The following ABCG8 variants were observed in gnomAD, a reference collection of about 807,000 sequenced individuals.
ABCG8 encodes the protein ATP binding cassette subfamily G member 8, also known as ATP-binding cassette sub-family G member 8.
A neutral mutation model predicts 71.3 loss-of-function variants in ABCG8; 81 were observed. The ratio of observed to expected loss-of-function variants is 1.14; its 90% CI spans 0.95 to 1.37. The LOEUF is 1.37. ABCG8 is among the 40% of genes most tolerant of loss of function. The pLI is 0.00. For missense variants in ABCG8, 1,119 were observed against 866.2 expected (o/e 1.29, Z -3.66); for synonymous variants, 451 against 354.7 (o/e 1.27, Z -3.05).
rs1192681894 is a variant in ABCG8, at chr2:43,881,685, G to A, written c.*3772G>A. ...GATTGAGCCACCGCACTCCAGCCTG[G>A]TGACAGAGCGATACTCTGTCTCAAA... On this transcript the variant is annotated 3_prime_UTR_variant, in exon 13 of 13. Transcript: ENST00000272286. 1 of 140,380 alleles carries A rather than the reference G, an allele frequency of 7.1e-6. No individual in the cohort carries two copies. The highest frequency in any genetic ancestry group is 1.5e-5 in the Non-Finnish European group (1 of 66,066). 8.7% of individuals were successfully genotyped at this position (140,380 alleles called of 1,614,324 possible).
chr2:43,881,128 ACCT>A lies in ABCG8; in HGVS notation c.*3216_*3218del, dbSNP rs1670120333. 6.6e-6 allele frequency: 1 copy of A among 152,234 alleles called. No homozygotes were observed. Among genetic ancestry groups the A allele is most frequent in the Non-Finnish European group, 1.5e-5 (1 of 68,066 alleles). The allele number at this position is 152,234 out of a possible 1,614,324, so 9.4% of individuals were successfully genotyped here. A position where few individuals can be genotyped will look rare whatever the true frequency, so the allele number is the denominator to read the frequency against. On this transcript the variant is annotated 3_prime_UTR_variant, in exon 13 of 13. Transcript: ENST00000272286. ...TGATTGACAGCCACTAAGATACATC[ACCT>A]GACTTTGTGAGTTCACCATTCGGTC...
intron 1 of ABCG8, among the ~76,000 whole-genome samples, chr2:43,840,899 G>A (rs1474057852): frequency 6.6e-6 from 1 of 152,176 alleles, no homozygotes; most frequent in Non-Finnish European, 1.5e-5. Flanking sequence ...GTCCTCAGGA[G>A]GTTGGGCCTG....
intron 1 of ABCG8, among the ~76,000 whole-genome samples, chr2:43,841,067 C>T (rs1459008130): frequency 6.6e-6 from 1 of 152,222 alleles, no homozygotes; most frequent in Non-Finnish European, 1.5e-5. Flanking sequence ...ACCCTGGCAG[C>T]AGGCAGAGCT....
chr2:43,865,659 C>CTCTGGATAGAATTCTCACTG (rs1669505294), intron 6 of ABCG8, among the ~76,000 whole-genome samples: 1 of 142,822 alleles, frequency 7.0e-6, no homozygotes, highest in Non-Finnish European at 1.6e-5. Context: ...CTCACTCTCT[C>CTCTGGATAGAATTCTCACTG]TCTGGATAGA....
intron 1 of ABCG8, among the ~76,000 whole-genome samples, chr2:43,841,102 C>T (rs1439903136): frequency 1.3e-5 from 2 of 152,166 alleles, no homozygotes; most frequent in East Asian, 3.8e-4. Flanking sequence ...CTGAATGTTT[C>T]GATAAAATTT....
chr2:43,839,361 G>A lies in ABCG8; in HGVS notation c.63+245G>A, dbSNP rs926568403. ...TTTTAGGGAAATGATGTTCTTTTGT[G>A]TGATGTGGGACAATTTCACTTTTTC... On this transcript the variant is annotated intron_variant, in intron 1 of 12. Transcript: ENST00000272286. 2.2e-5 allele frequency among the ~76,000 whole-genome samples: 3 copies of A among 138,232 alleles called. No individual in the cohort carries two copies. In the South Asian group the frequency reaches 7.1e-4, roughly 33 times the overall value. The allele number at this position is 138,232 out of a possible 152,430, so 90.7% of individuals were successfully genotyped here.
chr2:43,862,714 G>T (rs936035319), intron 6 of ABCG8, among the ~76,000 whole-genome samples: 1 of 151,136 alleles, frequency 6.6e-6, no homozygotes, highest in Non-Finnish European at 1.5e-5. Context: ...TATCTGGATA[G>T]AATTCTCACC....
chr2:43,846,181 G>A lies in ABCG8; in HGVS notation c.192G>A (p.Trp64Ter). ...YQVDLASQVP[W>*]FEQLAQFKMP... ...TGGACCTGGCCTCTCAGGTCCCTTGGTTTGAGCAGCTGGCTCAGTTCAAGA... is the reference window on the plus strand; with the variant it reads ...TGGACCTGGCCTCTCAGGTCCCTTGATTTGAGCAGCTGGCTCAGTTCAAGA... The change falls in exon 3 of 13, where the codon TGG becomes TGA. Residue 64 changes from tryptophan (W) to a stop codon, truncating the protein, a stop_gained. Transcript: ENST00000272286. LOFTEE classifies it high-confidence loss of function. 2 of 1,613,862 alleles carry A rather than the reference G, an allele frequency of 1.2e-6. No individual in the cohort carries two copies. The highest frequency in any genetic ancestry group is 1.7e-4 in the Middle Eastern group (1 of 5,796).
chr2:43,861,139 T>A (rs1669302697), intron 6 of ABCG8, among the ~76,000 whole-genome samples: 1 of 151,426 alleles, frequency 6.6e-6, no homozygotes, highest in African/African-American at 2.4e-5. Flanking sequence ...TCTCACTGTC[T>A]ACATAGAGCT....
intron 1 of ABCG8, among the ~76,000 whole-genome samples, chr2:43,843,611 G>A (rs1668647975): frequency 6.6e-6 from 1 of 152,076 alleles, no homozygotes; most frequent in South Asian, 2.1e-4. Context: ...CTGTGATCAT[G>A]TCACTGCACT....
chr2:43,855,004 A>G (rs1370777675), intron 6 of ABCG8, among the ~76,000 whole-genome samples: 1 of 152,154 alleles, frequency 6.6e-6, no homozygotes, highest in Non-Finnish European at 1.5e-5. Context: ...TGAGAAATCT[A>G]CCTGAAGTTG....
At position 43,877,695 on chromosome 2, in the gene ABCG8, G is replaced by C. The variant is rs768088681; in HGVS notation, c.1884+7G>C. The C allele has an allele frequency of 6.2e-7, 1 of 1,613,888 alleles. No individual in the cohort carries two copies. The highest frequency in any genetic ancestry group is 1.1e-5 in the South Asian group (1 of 91,054). On this transcript the variant is annotated splice_region_variant and intron_variant, in intron 12 of 12. Coordinates refer to ENST00000272286, the MANE Select transcript of ABCG8 (RefSeq NM_022437.3). ...CGCGGTCTCAGGAGATAAAGTAAGC[G>C]GGGAAGGCCTCGGGTTCTAAATTAT...
chr2:43,870,119 A>G (rs1379431398), intron 6 of ABCG8, among the ~76,000 whole-genome samples: 1 of 151,670 alleles, frequency 6.6e-6, no homozygotes, highest in Non-Finnish European at 1.5e-5. Flanking sequence ...GTCTCTGGAT[A>G]GAATTCTCAC....
In ABCG8 at chr2:43,872,212, C is replaced by T; in HGVS notation, c.1128-11C>T. Reference sequence around the variant, plus strand: ...TGCCCCCATGACCTGGCCACATCTTCTGCCTCCCAGCAGCGTGACCCCACT... The same window carrying T: ...TGCCCCCATGACCTGGCCACATCTTTTGCCTCCCAGCAGCGTGACCCCACT... On this transcript the variant is annotated splice_polypyrimidine_tract_variant and intron_variant, in intron 7 of 12. Transcript: ENST00000272286. The T allele has an allele frequency of 1.2e-6, 2 of 1,614,048 alleles. No homozygotes were observed. The highest frequency in any genetic ancestry group is 1.6e-4 in the Middle Eastern group (1 of 6,062).
chr2:43,861,280 C>G (rs959994547), intron 6 of ABCG8, among the ~76,000 whole-genome samples: 4 of 151,172 alleles, frequency 2.6e-5, no homozygotes, highest in East Asian at 1.9e-4. Context: ...AAAGAATGCT[C>G]ACTATCTGTA....
chr2:43,855,755 C>A (rs72796760), intron 6 of ABCG8, among the ~76,000 whole-genome samples: 1 of 141,258 alleles, frequency 7.1e-6, no homozygotes, highest in East Asian at 2.2e-4. Context: ...GAACTCTCAC[C>A]ATCTAAATAT....
chr2:43,882,930 C>T lies in ABCG8; in HGVS notation c.*5017C>T, dbSNP rs1670170302. On this transcript the variant is annotated 3_prime_UTR_variant, in exon 13 of 13. Coordinates refer to ENST00000272286, the MANE Select transcript of ABCG8 (RefSeq NM_022437.3). ...TTAAAATTGGAAATATTCTTGTTTC[C>T]CCAAACTGCTAATAAGCTCTACTGA... is the stretch of plus-strand genomic sequence containing the variant. 6.6e-6 allele frequency: 1 copy of T among 152,118 alleles called. No individual in the cohort carries two copies. The highest frequency in any genetic ancestry group is 1.5e-5 in the Non-Finnish European group (1 of 68,050). The allele number at this position is 152,118 out of a possible 1,614,324, so 9.4% of individuals were successfully genotyped here.
At position 43,877,566 on chromosome 2, in the gene ABCG8, G is replaced by C. The variant is rs748833010; in HGVS notation, c.1762G>C (p.Ala588Pro). 2 of 1,613,902 alleles carry C rather than the reference G, an allele frequency of 1.2e-6. No homozygotes were observed. Among genetic ancestry groups the C allele is most frequent in the South Asian group, 1.1e-5 (1 of 91,062 alleles). ...INLSSLWTVP[A>P]WISKVSFLRW... The stretch of plus-strand genomic sequence containing the variant: ...ACGCGGCTGTCTGTCTCCAGTGCCC[G>C]CGTGGATTTCCAAAGTGTCCTTCCT... The change falls in exon 12 of 13, where the codon GCG (alanine) becomes CCG (proline). Residue 588 changes from alanine to proline, a missense_variant. Ala to Pro is a conservative substitution (Grantham distance 27). Coordinates refer to ENST00000272286, the MANE Select transcript of ABCG8 (RefSeq NM_022437.3).
chr2:43,841,049 C>A (rs1668568396), intron 1 of ABCG8, among the ~76,000 whole-genome samples: 2 of 152,190 alleles, frequency 1.3e-5, no homozygotes, highest in South Asian at 2.1e-4. Flanking sequence ...CAGAGAAGGA[C>A]AAGAGAAACC....
Sources: allele counts gnomAD v4.1 joint callset (sites outside exome capture counted in the v4.1 genomes callset), GRCh38; gene constraint gnomAD v4.1.1; transcripts MANE v1.5; gene names NCBI Gene and HGNC (gene_info 2026-07-23, HGNC 2026-07-21).